Variants in CPQ observed in about 807,000 individuals in gnomAD.
The protein encoded by CPQ is Ser-Met dipeptidase.
CPQ carries 37 observed loss-of-function variants against 45.7 expected under a neutral mutation model. The ratio of observed to expected loss-of-function variants is 0.81; its 90% confidence interval spans 0.62 to 1.07. CPQ has a LOEUF of 1.07. Ranked by LOEUF, CPQ falls within the 50% of genes least tolerant of loss-of-function variation. CPQ has a pLI of 0.00. For missense variants in CPQ, 537 were observed against 572.9 expected, an observed-to-expected ratio of 0.94 and a Z score of 0.64; for synonymous variants, 186 against 205.8, an observed-to-expected ratio of 0.90 and a Z score of 0.82.
chr8:96,667,281 T>G (rs1344920801), intron 1 of CPQ, among the ~76,000 whole-genome samples: 1 of 152,144 alleles, frequency 6.6e-6, no homozygotes, highest in Non-Finnish European at 1.5e-5. Flanking sequence ...TAAATCATAA[T>G]GTAGTTCAGA....
chr8:96,663,944 TA>T (rs990344066), intron 1 of CPQ, among the ~76,000 whole-genome samples: 5 of 151,550 alleles, frequency 3.3e-5, no homozygotes, highest in South Asian at 2.1e-4. Context: ...GTTTATAAAT[TA>T]AAAAAAAACT....
chr8:97,020,453 AT>A (rs1809659272), intron 5 of CPQ, among the ~76,000 whole-genome samples: 1 of 152,112 alleles, frequency 6.6e-6, no homozygotes, highest in African/African-American at 2.4e-5. Context: ...TTTTGGAAAG[AT>A]AGATAAAATT....
intron 2 of CPQ, among the ~76,000 whole-genome samples, chr8:96,788,264 T>C (rs1372694563): frequency 2.6e-5 from 4 of 152,156 alleles, no homozygotes; most frequent in African/African-American, 9.6e-5. Context: ...GTTCAAGTGA[T>C]TCTCCTGCCT....
intron 6 of CPQ, among the ~76,000 whole-genome samples, chr8:97,039,000 T>C (rs1202265432): frequency 6.6e-6 from 1 of 152,176 alleles, no homozygotes; most frequent in Non-Finnish European, 1.5e-5. Context: ...TTCTAACGTT[T>C]AGAGATTATG....
chr8:96,894,981 T>C (rs1479797313), intron 4 of CPQ, among the ~76,000 whole-genome samples: 1 of 152,202 alleles, frequency 6.6e-6, no homozygotes, highest in Non-Finnish European at 1.5e-5. Flanking sequence ...CAAAAGAGAA[T>C]TGGCCAAATT....
rs185379849 is a variant in CPQ at position 96,768,119 on chromosome 8, G to C, written c.-34-16745G>C. On this transcript the variant is annotated intron_variant, in intron 1 of 7. Transcript: ENST00000220763. ...CGTGAAACATCTGCTGTATCATCTT[G>C]CTTCCGCCACTTCCTAGAAAACTTG... Among the ~76,000 whole-genome samples, 32 of 151,936 alleles carry C rather than the reference G, an allele frequency of 2.1e-4. 1 individual carries two copies. The highest frequency in any genetic ancestry group is 1.8e-3 in the Admixed American group (27 of 15,280).
intron 4 of CPQ, among the ~76,000 whole-genome samples, chr8:96,941,301 T>C (rs1312734616): frequency 6.6e-6 from 1 of 152,174 alleles, no homozygotes; most frequent in African/African-American, 2.4e-5. Context: ...TGTGCTGGCC[T>C]TGCACTCTTA....
At chr8:96,666,783 C>T (rs1808930525) in intron 1 of CPQ, among the ~76,000 whole-genome samples, 2 of 152,170 alleles carry the variant, frequency 1.3e-5, no homozygotes, top group African/African-American at 4.8e-5. Flanking sequence ...TGGCCCTCTT[C>T]TGTCCTGCTT....
intron 7 of CPQ, among the ~76,000 whole-genome samples, chr8:97,083,013 A>G (rs1233616507): frequency 6.6e-6 from 1 of 152,202 alleles, no homozygotes; most frequent in African/African-American, 2.4e-5. Context: ...AGAGGCAACA[A>G]GTGTCATGAA....
Position 96,804,624 on chromosome 8 carries a change from G to A in CPQ, c.433+19294G>A, listed in dbSNP as rs574376457. Among the ~76,000 whole-genome samples, 4 of 151,108 alleles carry A rather than the reference G, an allele frequency of 2.6e-5. No individual in the cohort carries two copies. The South Asian group carries it at 6.3e-4, about 24-fold the overall frequency. On this transcript the variant is annotated intron_variant, in intron 2 of 7. Transcript: ENST00000220763. ...CCAAACAACAGTTCATACTCTTTTG[G>A]TCACATAGGCATCAATGAAATAATT...
intron 2 of CPQ, among the ~76,000 whole-genome samples, chr8:96,794,124 G>T (rs899144678): frequency 6.6e-6 from 1 of 152,182 alleles, no homozygotes; most frequent in African/African-American, 2.4e-5. Context: ...GACTCTGTGT[G>T]GGGGCTCTGA....
At chr8:96,742,430 A>G (rs983111924) in intron 1 of CPQ, among the ~76,000 whole-genome samples, 6 of 152,094 alleles carry the variant, frequency 3.9e-5, no homozygotes, top group East Asian at 1.9e-4. Context: ...TCTTTATCCA[A>G]TTTGCCAGTC....
rs181218874 is a variant in CPQ at position 96,762,847 on chromosome 8, G to A, written c.-34-22017G>A. 3.3e-4 allele frequency among the ~76,000 whole-genome samples: 50 copies of A among 152,222 alleles called. No individual in the cohort carries two copies. In the South Asian group the frequency reaches 7.3e-3, roughly 22 times the overall value. On this transcript the variant is annotated intron_variant, in intron 1 of 7. Transcript: ENST00000220763. ...ATGATTTAGAGTTTTAAATTTAGGCGTATGATCAATTTTTTAGTCCATTTT... is the reference window on the plus strand; with the variant it reads ...ATGATTTAGAGTTTTAAATTTAGGCATATGATCAATTTTTTAGTCCATTTT...
intron 2 of CPQ, among the ~76,000 whole-genome samples, chr8:96,828,771 C>G (rs770987453): frequency 5.9e-5 from 9 of 152,064 alleles, no homozygotes; most frequent in Non-Finnish European, 1.3e-4. Context: ...TGCTTCAAAG[C>G]AACCATATTC....
At chr8:96,909,251 T>C (rs1307798992) in intron 4 of CPQ, among the ~76,000 whole-genome samples, 4 of 151,916 alleles carry the variant, frequency 2.6e-5, no homozygotes, top group Non-Finnish European at 4.4e-5. Flanking sequence ...ACCGCTGGCA[T>C]TCTAGATTGT....
intron 7 of CPQ, among the ~76,000 whole-genome samples, chr8:97,134,978 A>G (rs1315883857): frequency 6.6e-6 from 1 of 152,202 alleles, no homozygotes; most frequent in Non-Finnish European, 1.5e-5. Context: ...AACTAGTCTT[A>G]GTTATTGCTG....
intron 4 of CPQ, among the ~76,000 whole-genome samples, chr8:96,911,443 A>T (rs1204139040): frequency 6.6e-6 from 1 of 152,212 alleles, no homozygotes; most frequent in African/African-American, 2.4e-5. Context: ...TTGCCTTTTC[A>T]TGCCAATGCC....
intron 6 of CPQ, among the ~76,000 whole-genome samples, chr8:97,052,113 C>A (rs1810375072): frequency 6.6e-6 from 1 of 152,188 alleles, no homozygotes; most frequent in Non-Finnish European, 1.5e-5. Flanking sequence ...GACATATTTG[C>A]TGCTATTTTC....
chr8:96,984,009 T>C (rs1184506376), intron 5 of CPQ, among the ~76,000 whole-genome samples: 1 of 152,132 alleles, frequency 6.6e-6, no homozygotes, highest in East Asian at 1.9e-4. Context: ...GCTATTTTGC[T>C]CCTTTTTTTC....
Sources: allele counts gnomAD v4.1 joint callset (sites outside exome capture counted in the v4.1 genomes callset), GRCh38; gene constraint gnomAD v4.1.1; transcripts MANE v1.5; gene names NCBI Gene and HGNC (gene_info 2026-07-23, HGNC 2026-07-21).